NEDD4L: variants seen among roughly 807,000 people sequenced by gnomAD.
The protein encoded by NEDD4L is E3 ubiquitin-protein ligase NEDD4-like.
Under a neutral mutation model 148.9 loss-of-function variants are expected in NEDD4L, and 54 were observed. That is an observed-to-expected ratio of 0.36 (90% CI 0.29 to 0.45). The LOEUF is 0.45. NEDD4L is among the 20% of genes least tolerant of loss of function. The pLI is 1.00. For synonymous variants in NEDD4L, 433 were observed against 440.7 expected (o/e 0.98, Z 0.22); for missense variants, 856 against 1,233.8 (o/e 0.69, Z 4.59).
intron 1 of NEDD4L, among the ~76,000 whole-genome samples, chr18:58,093,333 T>C (rs1330096213): frequency 2.0e-5 from 3 of 152,176 alleles, no homozygotes; most frequent in Non-Finnish European, 4.4e-5. Flanking sequence ...ATGATAGATG[T>C]TTGGTAAGAA....
intron 1 of NEDD4L, among the ~76,000 whole-genome samples, chr18:58,053,772 C>G (rs9989622): frequency 0.9 from 137,499 of 152,264 alleles, 62,162 homozygotes; most frequent in East Asian, 0.99. Flanking sequence ...TGTTGTAATA[C>G]TGAGAAGTGC....
intron 5 of NEDD4L, among the ~76,000 whole-genome samples, chr18:58,307,145 T>A (rs914099861): frequency 2.6e-5 from 4 of 151,942 alleles, no homozygotes; most frequent in African/African-American, 9.7e-5. Flanking sequence ...TGGAAATGGC[T>A]CCCCGGGAGA....
At chr18:58,369,519 C>T (rs1311150426) in intron 22 of NEDD4L, among the ~76,000 whole-genome samples, 1 of 148,554 alleles carries the variant, frequency 6.7e-6, no homozygotes, top group Non-Finnish European at 1.5e-5. Context: ...CATCTGTCCG[C>T]TGCTCCCCCT....
At chr18:58,348,326 CTTTTTT>C (rs771263533) in intron 16 of NEDD4L, among the ~76,000 whole-genome samples, 33 of 88,636 alleles carry the variant, frequency 3.7e-4, no homozygotes, top group African/African-American at 9.7e-4. Flanking sequence ...TCTTTTTTTT[CTTTTTT>C]TTTTTTTTTT....
chr18:58,214,639 GTGTGTT>G (rs2042953278), intron 2 of NEDD4L, among the ~76,000 whole-genome samples: 2 of 135,496 alleles, frequency 1.5e-5, no homozygotes, highest in Non-Finnish European at 3.3e-5. Flanking sequence ...GTGTGTGTGT[GTGTGTT>G]TTGTTGTTGT....
chr18:58,231,237 C>CAAAAAA (rs67220469), intron 2 of NEDD4L, among the ~76,000 whole-genome samples: 9 of 90,100 alleles, frequency 1.0e-4, no homozygotes, highest in African/African-American at 1.6e-4. Context: ...GACCCTATCT[C>CAAAAAA]AAAAAAAAAA....
intron 5 of NEDD4L, among the ~76,000 whole-genome samples, chr18:58,285,736 C>T (rs994767755): frequency 1.3e-5 from 2 of 152,106 alleles, no homozygotes; most frequent in Non-Finnish European, 2.9e-5. Flanking sequence ...TTTTTGAAAG[C>T]TGGCTCTTTC....
At chr18:58,382,182 G>A (rs1198268699) in intron 24 of NEDD4L, among the ~76,000 whole-genome samples, 4 of 152,222 alleles carry the variant, frequency 2.6e-5, no homozygotes, top group African/African-American at 7.2e-5. Context: ...GAGCCAGTGC[G>A]TGGAGAAGCC....
intron 1 of NEDD4L, among the ~76,000 whole-genome samples, chr18:58,109,555 TAGG>T (rs1393092633): frequency 4.0e-5 from 6 of 148,264 alleles, no homozygotes; most frequent in African/African-American, 1.3e-4. Context: ...TGGGAACAAC[TAGG>T]AGGTTTTTTT....
intron 23 of NEDD4L, 38 bp downstream of exon 23, chr18:58,370,505 C>T: frequency 7.4e-7 from 1 of 1,349,872 alleles, no homozygotes; most frequent in Non-Finnish European, 1.1e-6. Flanking sequence ...CATCACCGGG[C>T]ACTCGTGTCT....
chr18:58,347,420 G>A (rs1434894086), intron 16 of NEDD4L, among the ~76,000 whole-genome samples: 2 of 152,124 alleles, frequency 1.3e-5, no homozygotes, highest in Non-Finnish European at 2.9e-5. Context: ...CCCGCTGGTT[G>A]TGGCGTTACC....
chr18:58,114,491 C>T (rs1197675033), intron 1 of NEDD4L, among the ~76,000 whole-genome samples: 5 of 152,172 alleles, frequency 3.3e-5, no homozygotes, highest in Admixed American at 2.6e-4. Context: ...TACCGTCTTG[C>T]TTTTTAAAAT....
intron 25 of NEDD4L, among the ~76,000 whole-genome samples, chr18:58,384,359 A>G (rs2048731680): frequency 6.6e-6 from 1 of 152,214 alleles, no homozygotes; most frequent in Non-Finnish European, 1.5e-5. Flanking sequence ...TACATAGACT[A>G]GAAATAAGGT....
chr18:58,242,912 G>T (rs2046816005), intron 2 of NEDD4L, among the ~76,000 whole-genome samples: 3 of 152,108 alleles, frequency 2.0e-5, no homozygotes, highest in Admixed American at 2.0e-4. Flanking sequence ...TTTCCTAATC[G>T]ATCTTCCATA....
At chr18:58,228,922 C>G (rs557326649) in intron 2 of NEDD4L, among the ~76,000 whole-genome samples, 28 of 152,310 alleles carry the variant, frequency 1.8e-4, no homozygotes, top group Admixed American at 2.6e-4. Flanking sequence ...CTTGCTACTC[C>G]CACCAGCTGT....
intron 2 of NEDD4L, among the ~76,000 whole-genome samples, chr18:58,178,330 G>A (rs1197746820): frequency 6.6e-6 from 1 of 152,146 alleles, no homozygotes; most frequent in Non-Finnish European, 1.5e-5. Context: ...CCATTCAAGG[G>A]TAACATGCTT....
At chr18:58,277,740 T>C (rs921667993) in intron 5 of NEDD4L, among the ~76,000 whole-genome samples, 3 of 152,244 alleles carry the variant, frequency 2.0e-5, no homozygotes, top group Admixed American at 6.5e-5. Context: ...ATAAAATGTA[T>C]CATATTAAAA....
At chr18:58,334,476 A>G (rs1260223525) in intron 12 of NEDD4L, among the ~76,000 whole-genome samples, 1 of 152,212 alleles carries the variant, frequency 6.6e-6, no homozygotes, top group African/African-American at 2.4e-5. Flanking sequence ...AGAAATATTC[A>G]AGTTGGAAGG....
At chr18:58,340,968 CCTTA>C (rs1242944199) in intron 13 of NEDD4L, 66 bp from the exon 14 acceptor site, 12 of 1,465,526 alleles carry the variant, frequency 8.2e-6, no homozygotes, top group Non-Finnish European at 1.0e-5. Flanking sequence ...TCTGGGTGTA[CCTTA>C]CTTTATTAAA....
Sources: gnomAD v4.1 joint callset for allele counts (sites outside exome capture counted in the v4.1 genomes callset) on GRCh38, gnomAD v4.1.1 for gene constraint, MANE v1.5 for transcripts, NCBI Gene and HGNC (gene_info 2026-07-23, HGNC 2026-07-21) for gene names.